The following HMCN1 variants were observed in gnomAD, a reference collection of about 807,000 sequenced individuals.
The protein encoded by HMCN1 is hemicentin 1.
In HMCN1, 321 loss-of-function variants were observed where a neutral mutation model predicts 625.9. That is an observed-to-expected ratio of 0.51 (90% confidence interval 0.47 to 0.56). HMCN1 has a LOEUF of 0.56. Ranked by LOEUF, HMCN1 falls within the 20% of genes least tolerant of loss-of-function variation. The pLI is 0.00. For synonymous variants in HMCN1, 2,425 were observed against 2,417.6 expected (o/e 1.00, Z -0.09); for missense variants, 6,588 against 6,887.3 (o/e 0.96, Z 1.54).
chr1:185,739,510 G>T (rs971494381), intron 1 of HMCN1, among the ~76,000 whole-genome samples: 1 of 152,122 alleles, frequency 6.6e-6, no homozygotes, highest in Non-Finnish European at 1.5e-5. Flanking sequence ...CAGGAGGAGA[G>T]GGAGCAGGAC....
At chr1:186,018,589 A>G (rs1304962065) in intron 34 of HMCN1, among the ~76,000 whole-genome samples, 1 of 151,984 alleles carries the variant, frequency 6.6e-6, no homozygotes, top group African/African-American at 2.4e-5. Flanking sequence ...TCTGGGAAAT[A>G]AATAAATAAA....
At position 186,172,033 on chromosome 1, in the gene HMCN1, G is replaced by A; in HGVS notation, c.15716G>A (p.Cys5239Tyr). Residue 5239 changes from cysteine to tyrosine, a missense_variant, in exon 102 of 107, where the codon TGC (cysteine) becomes TAC (tyrosine). Physicochemically the swap from Cys to Tyr is radical, Grantham distance 194. Coordinates refer to ENST00000271588, the MANE Select transcript of HMCN1 (RefSeq NM_031935.3). ...MDVNECRQNV[C>Y]RPDQHCKNTR... The stretch of plus-strand genomic sequence containing the variant: ...GTGAACGAGTGTAGACAAAATGTAT[G>A]CAGACCAGATCAGCACTGTAAGAAC... The A allele has an allele frequency of 6.2e-7, 1 of 1,613,624 alleles. No homozygotes were observed.
At chr1:186,037,287 G>A (rs1655897186) in intron 36 of HMCN1, among the ~76,000 whole-genome samples, 1 of 151,980 alleles carries the variant, frequency 6.6e-6, no homozygotes, top group African/African-American at 2.4e-5. Context: ...TGAAAACATG[G>A]CATTAATGTT....
intron 68 of HMCN1, among the ~76,000 whole-genome samples, chr1:186,098,156 G>A (rs1660222544): frequency 6.6e-6 from 1 of 151,902 alleles, no homozygotes; most frequent in Non-Finnish European, 1.5e-5. Flanking sequence ...GGATTTTTCT[G>A]GATAAGAACT....
intron 6 of HMCN1, among the ~76,000 whole-genome samples, chr1:185,917,005 G>A (rs1417429768): frequency 1.3e-5 from 2 of 152,102 alleles, no homozygotes; most frequent in African/African-American, 4.8e-5. Flanking sequence ...TTACCCAGTA[G>A]GCAAGCTGTT....
rs1233357359 is a variant in HMCN1 at position 185,912,373 on chromosome 1, T to G, written c.900+593T>G. 7.2e-5 allele frequency among the ~76,000 whole-genome samples: 11 copies of G among 152,314 alleles called. No individual in the cohort carries two copies. The East Asian group carries it at 1.9e-3, about 27-fold the overall frequency. The stretch of plus-strand genomic sequence containing the variant: ...ATTTGGTGGATTTCTATTCATTTTC[T>G]TCTTTAGCACAACGTGGTATTTATA... On this transcript the variant is annotated intron_variant, in intron 6 of 106. Coordinates refer to ENST00000271588, the MANE Select transcript of HMCN1 (RefSeq NM_031935.3).
intron 6 of HMCN1, among the ~76,000 whole-genome samples, chr1:185,917,205 A>G (rs11801425): frequency 0.011 from 1,714 of 152,284 alleles, 24 homozygotes; most frequent in African/African-American, 0.038. Context: ...AGGGGAATTT[A>G]CTAGCACCCC....
chr1:186,162,862 G>C (rs1276113362), intron 97 of HMCN1, among the ~76,000 whole-genome samples: 1 of 152,192 alleles, frequency 6.6e-6, no homozygotes, highest in African/African-American at 2.4e-5. Flanking sequence ...CAGGGGTCAG[G>C]GACCCACTTG....
chr1:186,160,912 A>AG (rs1174100706), intron 97 of HMCN1, among the ~76,000 whole-genome samples: 5 of 151,528 alleles, frequency 3.3e-5, no homozygotes, highest in African/African-American at 1.2e-4. Context: ...TTTGGGGTGG[A>AG]GAGTTCTGTA....
rs116590341 is a variant in HMCN1, at chr1:186,044,444, C to T, written c.6305-1244C>T. The stretch of plus-strand genomic sequence containing the variant: ...GCTCTTTGGTTCATACCCTTTCCCT[C>T]TGTAGCAGACATGGTAACAGAGAAA... On this transcript the variant is annotated intron_variant, in intron 40 of 106. Transcript: ENST00000271588. 6.2e-3 allele frequency among the ~76,000 whole-genome samples: 949 copies of T among 152,220 alleles called. 13 individuals are homozygous for T. The highest frequency in any genetic ancestry group is 0.021 in the African/African-American group (886 of 41,542).
rs183623989 is a variant in HMCN1 at position 185,917,116 on chromosome 1, G to T, written c.901-5263G>T. ...TCTGTGTTCAGCAACATCATGTTGGGAGCTAGGAATCAGCTATGATGGGAA... is the reference window on the plus strand; with the variant it reads ...TCTGTGTTCAGCAACATCATGTTGGTAGCTAGGAATCAGCTATGATGGGAA... On this transcript the variant is annotated intron_variant, in intron 6 of 106. Transcript: ENST00000271588. 7.7e-4 allele frequency among the ~76,000 whole-genome samples: 117 copies of T among 152,144 alleles called. 1 individual carries two copies. Among genetic ancestry groups the T allele is most frequent in the South Asian group, 6.2e-4 (3 of 4,814 alleles).
At chr1:186,005,082 A>AAAC (rs1653464922) in intron 29 of HMCN1, among the ~76,000 whole-genome samples, 5 of 151,786 alleles carry the variant, frequency 3.3e-5, no homozygotes, top group African/African-American at 1.2e-4. Flanking sequence ...AAATGTTTAT[A>AAAC]AATAATTTTT....
At chr1:185,904,023 T>C (rs1665957393) in intron 4 of HMCN1, among the ~76,000 whole-genome samples, 1 of 151,880 alleles carries the variant, frequency 6.6e-6, no homozygotes, top group Non-Finnish European at 1.5e-5. Context: ...ATGATGTATA[T>C]CTTCCTTTGT....
chr1:186,166,943 G>A lies in HMCN1; in HGVS notation c.15574+1G>A, dbSNP rs760926710. ...ACCTCTGATGGGCTGAGTTGTCAAG[G>A]TATAAAAATGGAGGCCTTTTCTTTA... On this transcript the variant is annotated splice_donor_variant, in intron 100 of 106. Coordinates refer to ENST00000271588, the MANE Select transcript of HMCN1 (RefSeq NM_031935.3). LOFTEE classifies it high-confidence loss of function. 4 of 1,614,048 alleles carry A rather than the reference G, an allele frequency of 2.5e-6. No individual in the cohort carries two copies. In the Admixed American group the frequency reaches 6.7e-5, roughly 27 times the overall value.
chr1:185,898,098 G>T (rs1571525566), intron 4 of HMCN1, among the ~76,000 whole-genome samples: 1 of 152,270 alleles, frequency 6.6e-6, no homozygotes, highest in East Asian at 1.9e-4. Context: ...CTCAGACATA[G>T]GCACTGAAGC....
chr1:186,000,382 T>G, intron 26 of HMCN1, 143 bp downstream of exon 26: 1 of 670,278 alleles, frequency 1.5e-6, no homozygotes, highest in Non-Finnish European at 2.6e-6. Flanking sequence ...ATGATTGCAT[T>G]TATTATTTGA....
intron 4 of HMCN1, among the ~76,000 whole-genome samples, chr1:185,884,713 T>A (rs1282106244): frequency 6.6e-6 from 1 of 152,034 alleles, no homozygotes; most frequent in African/African-American, 2.4e-5. Context: ...ATTTACCTGT[T>A]TGGGAAAGGT....
chr1:186,026,024 A>G (rs1655037442), intron 36 of HMCN1, among the ~76,000 whole-genome samples: 1 of 152,242 alleles, frequency 6.6e-6, no homozygotes, highest in African/African-American at 2.4e-5. Flanking sequence ...TGGAAGAAGC[A>G]GTTGGCTGAG....
At chr1:186,055,327 T>G in intron 44 of HMCN1, 66 bp from the exon 45 acceptor site, 1 of 1,451,724 alleles carries the variant, frequency 6.9e-7, no homozygotes, top group South Asian at 1.2e-5. Context: ...CTGATGAAAA[T>G]TCCTATGTAA....
Sources: allele counts gnomAD v4.1 joint callset (sites outside exome capture counted in the v4.1 genomes callset), GRCh38; gene constraint gnomAD v4.1.1; transcripts MANE v1.5; gene names NCBI Gene and HGNC (gene_info 2026-07-23, HGNC 2026-07-21).